The following AOX1 variants were observed in gnomAD, a reference collection of about 807,000 sequenced individuals.
The protein encoded by AOX1 is aldehyde oxidase 1.
Under a neutral mutation model 169.5 loss-of-function variants are expected in AOX1, and 153 were observed. The ratio of observed to expected loss-of-function variants is 0.90; its 90% CI spans 0.79 to 1.03. The LOEUF is 1.03. Among genes scored for constraint, AOX1 ranks in the 50% least tolerant of loss-of-function variants. The probability of loss-of-function intolerance (pLI) is 0.00; values close to 1 mark genes in which losing one functional copy is unlikely to be tolerated. For missense variants in AOX1, 1,656 were observed against 1,663.9 expected, an observed-to-expected ratio of 1.00 and a Z score of 0.08; for synonymous variants, 562 against 581.9, an observed-to-expected ratio of 0.97 and a Z score of 0.49.
chr2:200,602,216 C>A, intron 5 of AOX1, 68 bp from the exon 6 acceptor site: 2 of 1,326,858 alleles, frequency 1.5e-6, no homozygotes, highest in Non-Finnish European at 2.2e-6. Flanking sequence ...TCATTTCCAT[C>A]ACACTCTTGG....
rs201623772 is a variant in AOX1, at chr2:200,666,794, C to A, written c.3609+42C>A. The A allele has an allele frequency of 6.1e-6, 9 of 1,477,428 alleles. No homozygotes were observed. The East Asian group carries it at 2.0e-4, about 34-fold the overall frequency. The allele number at this position is 1,477,428 out of a possible 1,614,324, so 91.5% of individuals were successfully genotyped here. A position where few individuals can be genotyped will look rare whatever the true frequency, so the allele number is the denominator to read the frequency against. ...TGTCTCACTTTCTATTTGTAAAAGC[C>A]AAAAGTGCGGTGGGGTCTGCAGGAG... On this transcript the variant is annotated intron_variant, in intron 32 of 34. Transcript: ENST00000374700.
At chr2:200,674,213 G>A (rs553455259), downstream of AOX1, among the ~76,000 whole-genome samples, 1 of 152,200 alleles carries the variant, frequency 6.6e-6, no homozygotes. Context: ...GACAGAGCTG[G>A]GTTCACAAGA....
At chr2:200,636,783 T>C in intron 21 of AOX1, 128 bp from the exon 22 acceptor site, 1 of 1,054,188 alleles carries the variant, frequency 9.5e-7, no homozygotes, top group Non-Finnish European at 1.4e-6. Context: ...ATCTAGTGAC[T>C]GTCACAGTCC....
At chr2:200,608,418 T>G (rs1014295085) in intron 10 of AOX1, among the ~76,000 whole-genome samples, 7 of 152,212 alleles carry the variant, frequency 4.6e-5, no homozygotes, top group Non-Finnish European at 8.8e-5. Flanking sequence ...GCTTACAGAC[T>G]GGTTTTTCTA....
In AOX1 at chr2:200,670,730, T is replaced by C. The variant is rs1169371209; in HGVS notation, c.*51T>C. The C allele has an allele frequency of 1.4e-6, 2 of 1,418,856 alleles. No individual in the cohort carries two copies. Among genetic ancestry groups the C allele is most frequent in the Non-Finnish European group, 2.0e-6 (2 of 1,005,700 alleles). The allele number at this position is 1,418,856 out of a possible 1,614,324, so 87.9% of individuals were successfully genotyped here. A position where few individuals can be genotyped will look rare whatever the true frequency, so the allele number is the denominator to read the frequency against. On this transcript the variant is annotated 3_prime_UTR_variant, in exon 35 of 35. Coordinates refer to ENST00000374700, the MANE Select transcript of AOX1 (RefSeq NM_001159.4). ...CAGAGTGCCTCTTCCCAGATGGCAA[T>C]CTGTCCTATCTCTGTGCTGGAAGAT...
chr2:200,586,148 C>A lies in AOX1; in HGVS notation c.40C>A (p.Arg14Ser), dbSNP rs1293916577. Residue 14 changes from arginine (R) to serine (S), a missense_variant, in exon 1 of 35, where the codon CGC becomes AGC. Arg to Ser is a moderately radical substitution (Grantham distance 110, BLOSUM62 -1). Coordinates refer to ENST00000374700, the MANE Select transcript of AOX1 (RefSeq NM_001159.4). ...CGAGCTGCTCTTCTACGTGAACGGC[C>A]GCAAGGTGAGCGCCCGCGGGCTTCC... The part of the protein sequence containing the change: ...ASELLFYVNG[R>S]KVIEKNVDPE... 1.3e-6 allele frequency: 2 copies of A among 1,562,674 alleles called. No individual in the cohort carries two copies. Among genetic ancestry groups the A allele is most frequent in the East Asian group, 2.4e-5 (1 of 41,974 alleles).
chr2:200,607,722 G>T (rs1429658394), intron 10 of AOX1, among the ~76,000 whole-genome samples: 4 of 152,020 alleles, frequency 2.6e-5, no homozygotes, highest in Admixed American at 2.6e-4. Context: ...CAACCCAAAT[G>T]CACATCAATG....
At chr2:200,605,250 A>C (rs1009604217) in intron 9 of AOX1, among the ~76,000 whole-genome samples, 1 of 152,170 alleles carries the variant, frequency 6.6e-6, no homozygotes, top group African/African-American at 2.4e-5. Flanking sequence ...TGTTGCATCC[A>C]GTGTGTGCTC....
chr2:200,680,744 C>CTACT (rs1444454836), downstream of AOX1, among the ~76,000 whole-genome samples: 14 of 152,010 alleles, frequency 9.2e-5, no homozygotes, highest in African/African-American at 3.4e-4. Flanking sequence ...TGGGGTTTCG[C>CTACT]CATGTTAGCC....
At chr2:200,599,830 G>C in intron 5 of AOX1, 84 bp downstream of exon 5, 1 of 1,166,694 alleles carries the variant, frequency 8.6e-7, no homozygotes, top group Non-Finnish European at 1.1e-6. Context: ...TGTTGCCCGG[G>C]CTGGAGGGCG....
At position 200,638,233 on chromosome 2, in the gene AOX1, C is replaced by T. The variant is rs1246522470; in HGVS notation, c.2499C>T (p.Arg833=). 6.2e-7 allele frequency: 1 copy of T among 1,613,536 alleles called. No individual in the cohort carries two copies. The highest frequency in any genetic ancestry group is 2.2e-5 in the East Asian group (1 of 44,876). ...GTTTTAGACATGGCCGTGCAGTTCG[C>T]TGTGTTCTGGAACGAGGAGAAGACA... The part of the protein sequence containing the change: ...FAANKHGRAV[R]CVLERGEDML... The change falls in exon 23 of 35, where the codon CGC becomes CGT. Residue 833 remains arginine, a synonymous_variant. Transcript: ENST00000374700.
intron 26 of AOX1, among the ~76,000 whole-genome samples, chr2:200,655,983 C>T (rs2035673928): frequency 6.6e-6 from 1 of 152,176 alleles, no homozygotes; most frequent in Non-Finnish European, 1.5e-5. Flanking sequence ...CCAGAATTTT[C>T]TGAAGACCTT....
At chr2:200,670,280 C>G (rs2036001930) in intron 34 of AOX1, among the ~76,000 whole-genome samples, 1 of 152,164 alleles carries the variant, frequency 6.6e-6, no homozygotes, top group African/African-American at 2.4e-5. Flanking sequence ...TCACAGTTAC[C>G]ACCCTGACTT....
At position 200,611,432 on chromosome 2, in the gene AOX1, C is replaced by A. The variant is rs2034638875; in HGVS notation, c.1202C>A (p.Pro401His). Reference sequence around the variant, plus strand: ...AATGAGCAATTCCTCAGCAAGTGCCCTAATGCAGATCTTAAGCCTCAAGAA... The same window carrying A: ...AATGAGCAATTCCTCAGCAAGTGCCATAATGCAGATCTTAAGCCTCAAGAA... Reference protein sequence around the residue: ...PLNEQFLSKCPNADLKPQEIL... With the variant: ...PLNEQFLSKCHNADLKPQEIL... Residue 401 changes from proline to histidine, a missense_variant, in exon 13 of 35, where the codon CCT (proline) becomes CAT (histidine). Pro to His is a moderately conservative substitution (Grantham distance 77). Coordinates refer to ENST00000374700, the MANE Select transcript of AOX1 (RefSeq NM_001159.4). The A allele has an allele frequency of 2.5e-6, 4 of 1,614,010 alleles. No homozygotes were observed. The highest frequency in any genetic ancestry group is 3.4e-6 in the Non-Finnish European group (4 of 1,179,928).
chr2:200,657,161 C>CAAAAAAAAAAAAAAAAAAA (rs67071824), intron 27 of AOX1, among the ~76,000 whole-genome samples: 1 of 83,040 alleles, frequency 1.2e-5, no homozygotes, highest in African/African-American at 4.8e-5. Flanking sequence ...CCATCTCTAC[C>CAAAAAAAAAAAAAAAAAAA]AAAAATATAT....
At chr2:200,595,462 C>T in intron 3 of AOX1, 94 bp downstream of exon 3, 1 of 830,404 alleles carries the variant, frequency 1.2e-6, no homozygotes, top group Admixed American at 2.6e-5. Flanking sequence ...GAGTACCTAC[C>T]ATGTGAAAAG....
chr2:200,634,686 C>T (rs1432343359), intron 20 of AOX1, 105 bp from the exon 21 acceptor site: 9 of 1,372,530 alleles, frequency 6.6e-6, no homozygotes, highest in Non-Finnish European at 5.0e-6. Context: ...CTGTGCCCAG[C>T]AGAAGTACTA....
chr2:200,630,842 G>C (rs2035110659), intron 20 of AOX1, among the ~76,000 whole-genome samples: 1 of 152,126 alleles, frequency 6.6e-6, no homozygotes, highest in South Asian at 2.1e-4. Flanking sequence ...ACTGGGGCCT[G>C]TAGGAGTGGG....
chr2:200,608,726 C>G (rs2034567303), intron 10 of AOX1, among the ~76,000 whole-genome samples: 1 of 69,076 alleles, frequency 1.4e-5, no homozygotes, highest in African/African-American at 4.6e-5. Context: ...ACCACCACCT[C>G]TATCATTACC....
Sources: allele counts gnomAD v4.1 joint callset (sites outside exome capture counted in the v4.1 genomes callset), GRCh38; gene constraint gnomAD v4.1.1; transcripts MANE v1.5; gene names NCBI Gene and HGNC (gene_info 2026-07-23, HGNC 2026-07-21).